Variants in CTBP1 observed in about 807,000 individuals in gnomAD.
CTBP1 encodes C-terminal-binding protein 1.
Under a neutral mutation model 42.1 loss-of-function variants are expected in CTBP1, and 11 were observed. The ratio of observed to expected loss-of-function variants is 0.26; its 90% CI spans 0.16 to 0.43. The LOEUF is 0.43. CTBP1 is among the 20% of genes least tolerant of loss of function. The probability of loss-of-function intolerance (pLI) is 1.00; values close to 1 mark genes in which losing one functional copy is unlikely to be tolerated. For missense variants in CTBP1, 399 were observed against 624.3 expected (o/e 0.64, Z 3.85); for synonymous variants, 324 against 277.1 (o/e 1.17, Z -1.68).
Position 1,238,112 on chromosome 4 carries a change from GCCGTGCTC to G in CTBP1, c.162+63_162+70del, listed in dbSNP as rs1441868905. 6.3e-7 allele frequency: 1 copy of G among 1,598,802 alleles called. No individual in the cohort carries two copies. Among genetic ancestry groups the G allele is most frequent in the East Asian group, 2.2e-5 (1 of 44,852 alleles). On this transcript the variant is annotated intron_variant, in intron 3 of 9. Transcript: ENST00000382952. The surrounding 1 kb of genome is among the most constrained non-coding windows in gnomAD (Gnocchi z 5.9). ...CCCAGACCTGCTGTGGCCCGGGCCT[GCCGTGCTC>G]CCGTCCCTCCAACTCCCCCCAACGT...
At chr4:1,219,776 C>T (rs1330096784) in intron 5 of CTBP1, among the ~76,000 whole-genome samples, 1 of 152,246 alleles carries the variant, frequency 6.6e-6, no homozygotes, top group Non-Finnish European at 1.5e-5. Context: ...GATCCTCCGG[C>T]CTCGGCCTCA....
intron 1 of CTBP1, chr4:1,245,618 C>T (rs1198096279): frequency 2.0e-6 from 2 of 980,530 alleles, no homozygotes; most frequent in Admixed American, 6.2e-5. Context: ...CAGGGTGACA[C>T]GGGCGGCATA....
In CTBP1 at chr4:1,240,836, C is replaced by T. The variant is rs557003089; in HGVS notation, c.7+489G>A. Among the ~76,000 whole-genome samples the T allele has an allele frequency of 3.9e-5, 6 of 152,302 alleles. No individual in the cohort carries two copies. In the South Asian group the frequency reaches 6.2e-4, roughly 16 times the overall value. Reference sequence around the variant, plus strand: ...ACACCCAGGAGGCTTCACAGTCACACGGCCTGTGCTGAAGCAGGCTTTGCA... The same window carrying T: ...ACACCCAGGAGGCTTCACAGTCACATGGCCTGTGCTGAAGCAGGCTTTGCA... On this transcript the variant is annotated intron_variant, in intron 2 of 9. Transcript: ENST00000382952.
rs1356133234 is a variant in CTBP1, at chr4:1,238,572, C to G, written c.8-235G>C. On this transcript the variant is annotated intron_variant, in intron 2 of 9. Transcript: ENST00000382952. The surrounding 1 kb of genome is among the most constrained non-coding windows in gnomAD (Gnocchi z 5.9). ...ACTGTGGACACCCACTACCATCTCC[C>G]TTGGGCACAGGACCTCCGAGACCCT... Among the ~76,000 whole-genome samples the G allele has an allele frequency of 6.6e-6, 1 of 152,020 alleles. No homozygotes were observed. The highest frequency in any genetic ancestry group is 1.9e-4 in the East Asian group (1 of 5,180).
Position 1,241,437 on chromosome 4 carries a change from A to T in CTBP1, c.-106T>A. 1 of 1,538,230 alleles carries T rather than the reference A, an allele frequency of 6.5e-7. No individual in the cohort carries two copies. Among genetic ancestry groups the T allele is most frequent in the Non-Finnish European group, 9.0e-7 (1 of 1,111,752 alleles). On this transcript the variant is annotated 5_prime_UTR_variant, in exon 2 of 10. Transcript: ENST00000382952. Reference sequence around the variant, plus strand: ...GCGTCCTGTCTCGGAGCCTCATCCCACGTCCTTAATTGTCTCGAGCCAAAG... The same window carrying T: ...GCGTCCTGTCTCGGAGCCTCATCCCTCGTCCTTAATTGTCTCGAGCCAAAG...
intron 5 of CTBP1, among the ~76,000 whole-genome samples, chr4:1,220,795 G>A (rs2108734229): frequency 6.6e-6 from 1 of 152,376 alleles, no homozygotes; most frequent in Non-Finnish European, 1.5e-5. Flanking sequence ...GGGAAAGGGT[G>A]GGCCACCACC....
rs1728604381 is a variant in CTBP1 at position 1,212,182 on chromosome 4, G to A, written c.*58C>T. ...CACAGATGCCTCCTCCACACACTCT[G>A]GTCCGAGGGTTTCCGGGCCCTCTGC... is the stretch of plus-strand genomic sequence containing the variant. On this transcript the variant is annotated 3_prime_UTR_variant, in exon 10 of 10. Coordinates refer to ENST00000382952, the MANE Select transcript of CTBP1 (RefSeq NM_001012614.2). 2.2e-6 allele frequency: 3 copies of A among 1,350,920 alleles called. No individual in the cohort carries two copies. The highest frequency in any genetic ancestry group is 2.5e-4 in the Middle Eastern group (1 of 3,964). The allele number at this position is 1,350,920 out of a possible 1,614,324, so 83.7% of individuals were successfully genotyped here.
chr4:1,212,326 G>A lies in CTBP1; in HGVS notation c.1204C>T (p.Pro402Ser). 1 of 1,519,056 alleles carries A rather than the reference G, an allele frequency of 6.6e-7. No individual in the cohort carries two copies. The highest frequency in any genetic ancestry group is 2.3e-5 in the Admixed American group (1 of 43,158). The allele number at this position is 1,519,056 out of a possible 1,614,324, so 94.1% of individuals were successfully genotyped here. A position where few individuals can be genotyped will look rare whatever the true frequency, so the allele number is the denominator to read the frequency against. ...SAMSLSHGLP[P>S]VAHPPHAPSP... is the part of the protein sequence containing the mutation. ...GGGGCGTGGGGCGGGTGGGCCACAG[G>A]GGGCAGGCCGTGGGACAGGGACATG... The change falls in exon 10 of 10, where the codon CCT becomes TCT. Residue 402 changes from proline to serine, a missense_variant. By Grantham distance (74) the Pro-to-Ser change is moderately conservative. Around this residue, in one of 4 missense-constraint regions of CTBP1, gnomAD observed 60 missense variants for 46.5 expected, o/e 1.29. Coordinates refer to ENST00000382952, the MANE Select transcript of CTBP1 (RefSeq NM_001012614.2).
intron 1 of CTBP1, among the ~76,000 whole-genome samples, chr4:1,245,901 T>A (rs1221703162): frequency 2.6e-5 from 4 of 152,094 alleles, no homozygotes; most frequent in African/African-American, 9.7e-5. Context: ...CAACTGGGCT[T>A]CCCTCAGGGC....
intron 2 of CTBP1, among the ~76,000 whole-genome samples, chr4:1,239,844 C>T (rs990401922): frequency 1.3e-5 from 2 of 152,334 alleles, no homozygotes; most frequent in Non-Finnish European, 1.5e-5. Context: ...GTCAAAACCG[C>T]GTCCTGGTTC....
intron 4 of CTBP1, among the ~76,000 whole-genome samples, chr4:1,226,986 G>C (rs1730419921): frequency 6.6e-6 from 1 of 152,116 alleles, no homozygotes; most frequent in South Asian, 2.1e-4. Flanking sequence ...CTGGCCAACT[G>C]TGGGCAAGGG....
chr4:1,214,751 G>T (rs904892434), intron 6 of CTBP1, among the ~76,000 whole-genome samples: 2 of 152,226 alleles, frequency 1.3e-5, no homozygotes, highest in African/African-American at 4.8e-5. Context: ...TGAGGACTGG[G>T]CGGGGGCTCC....
chr4:1,248,517 C>A (rs1233574007), intron 1 of CTBP1: 1 of 262,524 alleles, frequency 3.8e-6, no homozygotes, highest in Admixed American at 6.5e-5. Flanking sequence ...GCCCCGCAGG[C>A]CCAGCCACGG....
At chr4:1,227,180 G>A (rs1730443068) in intron 4 of CTBP1, among the ~76,000 whole-genome samples, 1 of 152,176 alleles carries the variant, frequency 6.6e-6, no homozygotes, top group Admixed American at 6.5e-5. Context: ...GTGCACGGGT[G>A]CAGACGTGCG....
Position 1,213,496 on chromosome 4 carries a change from T to C in CTBP1, c.970A>G (p.Ile324Val). 6.2e-7 allele frequency: 1 copy of C among 1,611,902 alleles called. No individual in the cohort carries two copies. Among genetic ancestry groups the C allele is most frequent in the Non-Finnish European group, 8.5e-7 (1 of 1,179,854 alleles). The change falls in exon 8 of 10, where the codon ATC becomes GTC. Residue 324 changes from isoleucine (I) to valine (V), a missense_variant. Physicochemically the swap from Ile to Val is conservative, Grantham distance 29. Transcript: ENST00000382952. ...CGCCCACCTGTGATGGCTCTGCGGATCTCCCGTGCCGCCTCCTCTCGCATC... is the reference window on the plus strand; with the variant it reads ...CGCCCACCTGTGATGGCTCTGCGGACCTCCCGTGCCGCCTCCTCTCGCATC... ...IEMREEAARE[I>V]RRAITGRIPD...
At chr4:1,227,443 CGT>C (rs1259184380) in intron 4 of CTBP1, among the ~76,000 whole-genome samples, 1 of 144,186 alleles carries the variant, frequency 6.9e-6, no homozygotes. Context: ...GTGCTGAGTG[CGT>C]GTGCACGGGT....
intron 5 of CTBP1, chr4:1,218,153 C>T (rs982201383): frequency 1.3e-5 from 2 of 152,170 alleles, no homozygotes; most frequent in African/African-American, 4.8e-5. Context: ...CGCCTGTAAT[C>T]CCAGCACTCT....
chr4:1,248,473 A>AC (rs1475270903), intron 1 of CTBP1, among the ~76,000 whole-genome samples: 1 of 149,096 alleles, frequency 6.7e-6, no homozygotes, highest in Admixed American at 6.6e-5. Context: ...GCCCCAGGAC[A>AC]CCCCGAGCTG....
chr4:1,238,092 A>T lies in CTBP1; in HGVS notation c.162+91T>A. The T allele has an allele frequency of 6.5e-7, 1 of 1,549,156 alleles. No individual in the cohort carries two copies. Among genetic ancestry groups the T allele is most frequent in the Non-Finnish European group, 8.9e-7 (1 of 1,126,738 alleles). On this transcript the variant is annotated intron_variant, in intron 3 of 9. Coordinates refer to ENST00000382952, the MANE Select transcript of CTBP1 (RefSeq NM_001012614.2). The surrounding 1 kb of genome is among the most constrained non-coding windows in gnomAD (Gnocchi z 5.9). ...CTGCTCCTGCCCCAGTGGCACCCAG[A>T]CCTGCTGTGGCCCGGGCCTGCCGTG...
Sources: gnomAD v4.1 joint callset for allele counts (sites outside exome capture counted in the v4.1 genomes callset) on GRCh38, gnomAD v4.1.1 for gene constraint, gnomAD v4.1.1 regional missense constraint, Gnocchi (gnomAD v3.1) non-coding constraint, MANE v1.5 for transcripts, NCBI Gene and HGNC (gene_info 2026-07-23, HGNC 2026-07-21) for gene names.